Variants in PARD3B observed in about 807,000 individuals in gnomAD.
PARD3B encodes the protein partitioning defective 3 homolog B.
Under a neutral mutation model 130.2 loss-of-function variants are expected in PARD3B, and 103 were observed. The observed-to-expected ratio is 0.79, with a 90% CI of 0.67 to 0.93. The LOEUF (loss-of-function observed/expected upper bound fraction) is 0.93, where lower values mean the gene tolerates loss of function less well. Ranked by LOEUF, PARD3B falls within the 40% of genes least tolerant of loss-of-function variation. The pLI is 0.00. For missense variants in PARD3B, 1,609 were observed against 1,499.2 expected (o/e 1.07, Z -1.21); for synonymous variants, 583 against 553.2 (o/e 1.05, Z -0.76).
chr2:205,086,275 T>G (rs1343614570), intron 4 of PARD3B, among the ~76,000 whole-genome samples: 1 of 152,172 alleles, frequency 6.6e-6, no homozygotes, highest in Non-Finnish European at 1.5e-5. Context: ...CTTTACAAAA[T>G]GGGTATTGAA....
intron 18 of PARD3B, among the ~76,000 whole-genome samples, chr2:205,314,364 T>C (rs757504561): frequency 6.6e-6 from 1 of 152,186 alleles, no homozygotes; most frequent in Non-Finnish European, 1.5e-5. Flanking sequence ...CTTTTGTTCC[T>C]ATGGTGTCAG....
intron 18 of PARD3B, among the ~76,000 whole-genome samples, chr2:205,333,506 T>C (rs2043206612): frequency 6.6e-6 from 1 of 152,180 alleles, no homozygotes; most frequent in Non-Finnish European, 1.5e-5. Context: ...TTATACTTGA[T>C]TCCTAACCAC....
chr2:205,177,958 T>C (rs751902855), intron 13 of PARD3B, among the ~76,000 whole-genome samples: 20 of 151,888 alleles, frequency 1.3e-4, no homozygotes, highest in African/African-American at 2.2e-4. Context: ...GTCTGACTTA[T>C]ATTGGTCTAT....
At chr2:204,803,279 T>G (rs1016282640) in intron 2 of PARD3B, among the ~76,000 whole-genome samples, 23 of 150,992 alleles carry the variant, frequency 1.5e-4, no homozygotes, top group African/African-American at 4.6e-4. Context: ...CTATAAGAAG[T>G]GCTGAAGAGA....
intron 1 of PARD3B, among the ~76,000 whole-genome samples, chr2:204,638,770 T>C (rs1329645333): frequency 2.0e-5 from 3 of 152,202 alleles, no homozygotes; most frequent in African/African-American, 4.8e-5. Context: ...TCATAGGATA[T>C]CCTATAACCT....
At chr2:205,529,374 C>T (rs905697365) in intron 21 of PARD3B, among the ~76,000 whole-genome samples, 1 of 152,162 alleles carries the variant, frequency 6.6e-6, no homozygotes, top group Non-Finnish European at 1.5e-5. Context: ...ACAACCAAGT[C>T]ATCAGTTTAA....
intron 2 of PARD3B, among the ~76,000 whole-genome samples, chr2:204,837,491 G>A (rs1365861299): frequency 6.6e-6 from 1 of 151,068 alleles, no homozygotes; most frequent in African/African-American, 2.4e-5. Flanking sequence ...TGCAATCTTG[G>A]CTCACTGCAA....
chr2:204,934,984 T>G (rs1688302892), intron 2 of PARD3B, among the ~76,000 whole-genome samples: 1 of 152,152 alleles, frequency 6.6e-6, no homozygotes, highest in Non-Finnish European at 1.5e-5. Context: ...GACTGATAGA[T>G]CTTATTATTT....
chr2:204,780,144 T>TG (rs1385981346), intron 2 of PARD3B, among the ~76,000 whole-genome samples: 1 of 152,218 alleles, frequency 6.6e-6, no homozygotes, highest in Non-Finnish European at 1.5e-5. Context: ...CATGTCTCTC[T>TG]GGGAGGTGTT....
At position 204,876,968 on chromosome 2, in the gene PARD3B, A is replaced by G. The variant is rs142035785; in HGVS notation, c.223-88184A>G. ...TTTCAACCAAATGTGGATTGAAAAT[A>G]CAGTACTCTAGATCCCTGAGGAATC... On this transcript the variant is annotated intron_variant, in intron 2 of 22. Coordinates refer to ENST00000406610, the MANE Select transcript of PARD3B (RefSeq NM_001302769.2). 3.6e-3 allele frequency among the ~76,000 whole-genome samples: 547 copies of G among 152,304 alleles called. 2 individuals are homozygous for G. Among genetic ancestry groups the G allele is most frequent in the African/African-American group, 0.013 (527 of 41,568 alleles).
chr2:205,228,906 A>C lies in PARD3B; in HGVS notation c.2141-16872A>C, dbSNP rs558506908. Among the ~76,000 whole-genome samples the C allele has an allele frequency of 1.3e-4, 20 of 152,264 alleles. 1 individual carries two copies. Among genetic ancestry groups the C allele is most frequent in the African/African-American group, 4.8e-4 (20 of 41,570 alleles). On this transcript the variant is annotated intron_variant, in intron 15 of 22. Transcript: ENST00000406610. The stretch of plus-strand genomic sequence containing the variant: ...GTTAAGAGAATCTCATGCATTCTAC[A>C]CTATGTCAATTACATTTTTCAACTC...
At chr2:205,192,478 C>T (rs1361393886) in intron 14 of PARD3B, among the ~76,000 whole-genome samples, 3 of 152,108 alleles carry the variant, frequency 2.0e-5, no homozygotes, top group African/African-American at 7.2e-5. Flanking sequence ...AAAACAAGAA[C>T]TAAGTCATTG....
chr2:204,564,686 T>A (rs947028260), intron 1 of PARD3B, among the ~76,000 whole-genome samples: 50 of 152,330 alleles, frequency 3.3e-4, no homozygotes, highest in African/African-American at 1.2e-3. Context: ...CAAATCTCTT[T>A]AATGTTTGGC....
intron 15 of PARD3B, among the ~76,000 whole-genome samples, chr2:205,220,458 G>C (rs543556076): frequency 5.3e-5 from 8 of 152,300 alleles, no homozygotes; most frequent in African/African-American, 1.9e-4. Flanking sequence ...ATGGGCTACT[G>C]TTAGGTGCCT....
At chr2:204,716,069 A>T (rs189300331) in intron 2 of PARD3B, among the ~76,000 whole-genome samples, 2 of 152,206 alleles carry the variant, frequency 1.3e-5, no homozygotes, top group Non-Finnish European at 2.9e-5. Flanking sequence ...AGTACTTTAA[A>T]TGTAGGAACT....
At chr2:204,934,858 C>T (rs554157511) in intron 2 of PARD3B, among the ~76,000 whole-genome samples, 1 of 152,130 alleles carries the variant, frequency 6.6e-6, no homozygotes, top group Non-Finnish European at 1.5e-5. Context: ...GTATATCCAT[C>T]AAAGTTTTCC....
At chr2:205,556,485 T>TA (rs1291563665) in intron 22 of PARD3B, among the ~76,000 whole-genome samples, 2 of 152,122 alleles carry the variant, frequency 1.3e-5, no homozygotes, top group African/African-American at 4.8e-5. Flanking sequence ...TTTCACGAAA[T>TA]AAAGCCAGAG....
intron 4 of PARD3B, among the ~76,000 whole-genome samples, chr2:205,098,954 TA>T (rs1318243530): frequency 1.3e-5 from 2 of 152,016 alleles, no homozygotes; most frequent in Admixed American, 6.6e-5. Flanking sequence ...ACGTTCGCTT[TA>T]AAAAAAATTG....
chr2:205,071,450 T>C (rs965888681), intron 4 of PARD3B, among the ~76,000 whole-genome samples: 1 of 152,190 alleles, frequency 6.6e-6, no homozygotes, highest in African/African-American at 2.4e-5. Flanking sequence ...AATATGTGAA[T>C]ATATACACTT....
Sources: allele counts gnomAD v4.1 joint callset (sites outside exome capture counted in the v4.1 genomes callset), GRCh38; gene constraint gnomAD v4.1.1; transcripts MANE v1.5; gene names NCBI Gene and HGNC (gene_info 2026-07-23, HGNC 2026-07-21).